Variants in TMEM132D observed in about 807,000 individuals in gnomAD.
TMEM132D encodes the protein mature OL transmembrane protein.
In TMEM132D, 21 loss-of-function variants were observed where a neutral mutation model predicts 62.3. That is an observed-to-expected ratio of 0.34 (90% confidence interval 0.24 to 0.49). The LOEUF is 0.49. Ranked by LOEUF, TMEM132D falls within the 20% of genes least tolerant of loss-of-function variation. The pLI, the probability that TMEM132D is intolerant of heterozygous loss-of-function variation, is 0.99. For synonymous variants in TMEM132D, 621 were observed against 575.6 expected (o/e 1.08, Z -1.13); for missense variants, 1,346 against 1,402.8 (o/e 0.96, Z 0.65).
chr12:129,364,329 C>T (rs1173571412), intron 3 of TMEM132D, among the ~76,000 whole-genome samples: 1 of 152,176 alleles, frequency 6.6e-6, no homozygotes, highest in Non-Finnish European at 1.5e-5. Flanking sequence ...CACTGAACAA[C>T]TCTAGGTGGT....
chr12:129,103,012 C>A (rs1427003823), intron 5 of TMEM132D, among the ~76,000 whole-genome samples: 1 of 152,184 alleles, frequency 6.6e-6, no homozygotes, highest in African/African-American at 2.4e-5. Flanking sequence ...TACATATCAG[C>A]ACATTTACGA....
chr12:129,328,510 T>C (rs185673607), intron 4 of TMEM132D, among the ~76,000 whole-genome samples: 85 of 152,332 alleles, frequency 5.6e-4, no homozygotes, highest in Middle Eastern at 3.4e-3. Flanking sequence ...TTTAAAAGCA[T>C]TGAAGTTCAG....
At chr12:129,187,837 T>C (rs891683940) in intron 5 of TMEM132D, among the ~76,000 whole-genome samples, 10 of 152,232 alleles carry the variant, frequency 6.6e-5, no homozygotes, top group African/African-American at 2.2e-4. Flanking sequence ...TCTTACGAAG[T>C]CGTATAGTAA....
chr12:129,214,383 G>T (rs1879145141), intron 4 of TMEM132D, among the ~76,000 whole-genome samples: 1 of 152,278 alleles, frequency 6.6e-6, no homozygotes, highest in South Asian at 2.1e-4. Flanking sequence ...AATTGTAAAA[G>T]AGACAAGGAA....
chr12:129,449,631 C>T (rs1873208067), intron 3 of TMEM132D, among the ~76,000 whole-genome samples: 1 of 152,176 alleles, frequency 6.6e-6, no homozygotes, highest in Admixed American at 6.5e-5. Flanking sequence ...AATCATACAA[C>T]ACCAGGAGTG....
At chr12:129,814,024 CT>C in intron 1 of TMEM132D, among the ~76,000 whole-genome samples, 1 of 152,234 alleles carries the variant, frequency 6.6e-6, no homozygotes, top group East Asian at 1.9e-4. Flanking sequence ...TCACTGAGGT[CT>C]GATGGAATGA....
At chr12:129,826,492 A>C (rs1349712917) in intron 1 of TMEM132D, among the ~76,000 whole-genome samples, 1 of 152,174 alleles carries the variant, frequency 6.6e-6, no homozygotes, top group African/African-American at 2.4e-5. Context: ...AGGTAAATGC[A>C]CTGAATGAGT....
chr12:129,706,551 A>G (rs959885021), intron 1 of TMEM132D, among the ~76,000 whole-genome samples: 1 of 151,976 alleles, frequency 6.6e-6, no homozygotes, highest in Non-Finnish European at 1.5e-5. Context: ...CTTAAATGTT[A>G]CATACCTCCT....
At chr12:129,293,790 C>G (rs1881505958) in intron 4 of TMEM132D, among the ~76,000 whole-genome samples, 1 of 152,142 alleles carries the variant, frequency 6.6e-6, no homozygotes. Flanking sequence ...GTAATGCGAG[C>G]CATGGGGAGC....
chr12:129,262,221 A>C (rs1880567748), intron 4 of TMEM132D: 1 of 152,234 alleles, frequency 6.6e-6, no homozygotes, highest in South Asian at 2.1e-4. Flanking sequence ...AAGGCAAAGG[A>C]CCGTAATTGA....
chr12:129,760,582 C>T (rs1003827119), intron 1 of TMEM132D, among the ~76,000 whole-genome samples: 1 of 150,114 alleles, frequency 6.7e-6, no homozygotes, highest in Admixed American at 6.7e-5. Flanking sequence ...TCCTGAGTTC[C>T]GGATCCGCCT....
intron 5 of TMEM132D, among the ~76,000 whole-genome samples, chr12:129,180,931 G>A (rs1342610908): frequency 6.6e-6 from 1 of 152,156 alleles, no homozygotes; most frequent in Non-Finnish European, 1.5e-5. Context: ...TTTTCTTGGT[G>A]GGATGAGAAG....
At chr12:129,772,677 A>G (rs1294165919) in intron 1 of TMEM132D, among the ~76,000 whole-genome samples, 1 of 152,218 alleles carries the variant, frequency 6.6e-6, no homozygotes, top group Admixed American at 6.5e-5. Flanking sequence ...AACAGCATCT[A>G]GATGTTTCTA....
intron 2 of TMEM132D, among the ~76,000 whole-genome samples, chr12:129,647,271 A>G (rs1057095657): frequency 1.1e-5 from 1 of 89,884 alleles, no homozygotes; most frequent in African/African-American, 4.5e-5. Context: ...CAATTTGTCC[A>G]CTTGTGTACA....
At chr12:129,644,877 T>G (rs559174043) in intron 2 of TMEM132D, among the ~76,000 whole-genome samples, 3 of 144,292 alleles carry the variant, frequency 2.1e-5, no homozygotes, top group Non-Finnish European at 4.5e-5. Flanking sequence ...TCCCAGCTAC[T>G]CGGGAGGCTG....
At chr12:129,418,966 G>T (rs1002470388) in intron 3 of TMEM132D, among the ~76,000 whole-genome samples, 2 of 152,126 alleles carry the variant, frequency 1.3e-5, no homozygotes, top group African/African-American at 2.4e-5. Context: ...GCCAAGGGCT[G>T]CCCCACCGCA....
chr12:129,697,281 C>T (rs961515584), intron 2 of TMEM132D, among the ~76,000 whole-genome samples: 4 of 152,166 alleles, frequency 2.6e-5, no homozygotes, highest in African/African-American at 9.7e-5. Context: ...AGAACAGACG[C>T]ACACCAATTC....
intron 1 of TMEM132D, among the ~76,000 whole-genome samples, chr12:129,720,887 G>C (rs1868798530): frequency 6.6e-6 from 1 of 152,232 alleles, no homozygotes; most frequent in South Asian, 2.1e-4. Flanking sequence ...CAGCCTGAGG[G>C]AAGGCAGTCT....
intron 2 of TMEM132D, among the ~76,000 whole-genome samples, chr12:129,643,554 T>A (rs1020626699): frequency 6.6e-6 from 1 of 152,114 alleles, no homozygotes; most frequent in Non-Finnish European, 1.5e-5. Flanking sequence ...TTCTAGTGGA[T>A]GGACACAATT....
Sources: gnomAD v4.1 joint callset for allele counts (sites outside exome capture counted in the v4.1 genomes callset) on GRCh38, gnomAD v4.1.1 for gene constraint, MANE v1.5 for transcripts, NCBI Gene and HGNC (gene_info 2026-07-23, HGNC 2026-07-21) for gene names.